Variants in ABAT observed in about 807,000 individuals in gnomAD.
ABAT encodes the protein 4-aminobutyrate aminotransferase, mitochondrial.
ABAT carries 45 observed loss-of-function variants against 64.6 expected under a neutral mutation model. The observed-to-expected ratio is 0.70, with a 90% CI of 0.55 to 0.89. The LOEUF is 0.89. Ranked by LOEUF, ABAT falls within the 40% of genes least tolerant of loss-of-function variation. The pLI is 0.00. For missense variants in ABAT, 633 were observed against 658.4 expected (o/e 0.96, Z 0.42); for synonymous variants, 297 against 250.5 (o/e 1.19, Z -1.75).
At chr16:8,718,412 G>C (rs187146191) in intron 1 of ABAT, among the ~76,000 whole-genome samples, 1 of 152,282 alleles carries the variant, frequency 6.6e-6, no homozygotes, top group African/African-American at 2.4e-5. Context: ...TAGGGGAATG[G>C]CAATGAAAAA....
At position 8,772,892 on chromosome 16, in the gene ABAT, GGAAGCTGA is replaced by G; in HGVS notation, c.932_939del (p.Lys311ArgfsTer29). ...AACCACGCATCCGATGACTTCTTTCGGAAGCTGAGAGACATCGCCAGGAAGGTCAGTGG... is the reference window on the plus strand; with the variant it reads ...AACCACGCATCCGATGACTTCTTTCGGAGACATCGCCAGGAAGGTCAGTGG... On this transcript the variant is annotated frameshift_variant, in exon 12 of 16. Transcript: ENST00000268251. LOFTEE classifies it high-confidence loss of function. The G allele has an allele frequency of 6.2e-7, 1 of 1,613,954 alleles. No homozygotes were observed. Among genetic ancestry groups the G allele is most frequent in the Non-Finnish European group, 8.5e-7 (1 of 1,180,000 alleles).
chr16:8,765,645 A>T (rs2059922286), intron 8 of ABAT: 1 of 153,360 alleles, frequency 6.5e-6, no homozygotes, highest in Non-Finnish European at 1.4e-5. Context: ...AACCTGAGAG[A>T]CACAGCAAGA....
intron 1 of ABAT, among the ~76,000 whole-genome samples, chr16:8,696,489 G>A (rs112492762): frequency 0.016 from 2,369 of 152,256 alleles, 91 homozygotes; most frequent in Admixed American, 0.083. Flanking sequence ...CGTGGGTGGT[G>A]CACGCCTGTA....
At chr16:8,733,205 G>T (rs1404269767) in intron 1 of ABAT, among the ~76,000 whole-genome samples, 1 of 151,378 alleles carries the variant, frequency 6.6e-6, no homozygotes, top group Non-Finnish European at 1.5e-5. Flanking sequence ...GCGGCTGCCG[G>T]GTGGAGGGGC....
intron 1 of ABAT, among the ~76,000 whole-genome samples, chr16:8,697,031 G>C (rs1010758052): frequency 2.0e-5 from 3 of 152,202 alleles, no homozygotes; most frequent in Non-Finnish European, 4.4e-5. Context: ...TGCTGGCGGA[G>C]AGGGACCGAT....
At chr16:8,762,378 G>A (rs2059823346) in intron 6 of ABAT, among the ~76,000 whole-genome samples, 1 of 152,154 alleles carries the variant, frequency 6.6e-6, no homozygotes, top group African/African-American at 2.4e-5. Context: ...TCCTCTGTAT[G>A]CCATATCATC....
At chr16:8,720,489 T>C (rs2058337047) in intron 1 of ABAT, among the ~76,000 whole-genome samples, 1 of 152,226 alleles carries the variant, frequency 6.6e-6, no homozygotes, top group Admixed American at 6.5e-5. Flanking sequence ...AAGTCATGCC[T>C]GCAGGGAGAG....
At chr16:8,765,314 T>G (rs542070654) in intron 8 of ABAT, among the ~76,000 whole-genome samples, 1 of 144,008 alleles carries the variant, frequency 6.9e-6, no homozygotes, top group African/African-American at 2.6e-5. Flanking sequence ...TCAGCCTGGG[T>G]GACAGAGTAA....
intron 10 of ABAT, 120 bp downstream of exon 10, chr16:8,768,376 A>C (rs200255576): frequency 1.5e-4 from 3 of 19,722 alleles, no homozygotes; most frequent in South Asian, 7.1e-4. Context: ...ACACAATCCC[A>C]CTGCAGAGTG....
Position 8,764,282 on chromosome 16 carries a change from A to C in ABAT, c.447+133A>C. ...TCTCTCTGAGCTTATTCTTCCATGC[A>C]GAGTATTTTAAATTTTTCTTTTAAA... On this transcript the variant is annotated intron_variant, in intron 7 of 15. Coordinates refer to ENST00000268251, the MANE Select transcript of ABAT (RefSeq NM_020686.6). The surrounding 1 kb of genome is among the most constrained non-coding windows in gnomAD (Gnocchi z 4.2). 2.4e-6 allele frequency: 2 copies of C among 818,116 alleles called. No homozygotes were observed. Among genetic ancestry groups the C allele is most frequent in the Non-Finnish European group, 4.0e-6 (2 of 496,658 alleles). The allele number at this position is 818,116 out of a possible 1,614,324, so 50.7% of individuals were successfully genotyped here.
chr16:8,741,952 T>C (rs2059172211), intron 2 of ABAT, among the ~76,000 whole-genome samples: 3 of 152,260 alleles, frequency 2.0e-5, no homozygotes, highest in African/African-American at 7.2e-5. Flanking sequence ...TTTGCCTAAA[T>C]AGGGCCAGCC....
At chr16:8,698,233 C>T (rs930109972) in intron 1 of ABAT, among the ~76,000 whole-genome samples, 1 of 152,124 alleles carries the variant, frequency 6.6e-6, no homozygotes, top group Non-Finnish European at 1.5e-5. Flanking sequence ...AGTACATGGC[C>T]CTCCTTCAGC....
chr16:8,680,692 T>C (rs1433199664), intron 1 of ABAT, among the ~76,000 whole-genome samples: 1 of 152,342 alleles, frequency 6.6e-6, no homozygotes, highest in East Asian at 1.9e-4. Context: ...CTTCCCAAAG[T>C]GCTGGGATTA....
chr16:8,726,561 A>G (rs565806636), intron 1 of ABAT, among the ~76,000 whole-genome samples: 1 of 152,304 alleles, frequency 6.6e-6, no homozygotes, highest in Admixed American at 6.5e-5. Context: ...CATTGCGTGT[A>G]TGAACCACAT....
At chr16:8,756,842 C>T (rs916577522) in intron 5 of ABAT, among the ~76,000 whole-genome samples, 2 of 152,214 alleles carry the variant, frequency 1.3e-5, no homozygotes, top group African/African-American at 4.8e-5. Context: ...TTTATACACA[C>T]TGGTAGGATA....
intron 1 of ABAT, among the ~76,000 whole-genome samples, chr16:8,718,232 C>G (rs2058267897): frequency 6.6e-6 from 1 of 152,136 alleles, no homozygotes; most frequent in African/African-American, 2.4e-5. Context: ...CGCTTAATCC[C>G]TGCATTCTTA....
intron 1 of ABAT, among the ~76,000 whole-genome samples, chr16:8,717,897 C>T (rs1352858105): frequency 2.3e-4 from 35 of 151,978 alleles, no homozygotes; most frequent in Admixed American, 2.3e-3. Context: ...TCAAGCGATC[C>T]TCTCACCTTG....
At chr16:8,697,464 G>T (rs540411096) in intron 1 of ABAT, among the ~76,000 whole-genome samples, 2 of 152,238 alleles carry the variant, frequency 1.3e-5, no homozygotes, top group East Asian at 3.9e-4. Flanking sequence ...AAGTGGCTTG[G>T]ATTCAGGTGG....
intron 15 of ABAT, among the ~76,000 whole-genome samples, chr16:8,780,055 C>T (rs949370595): frequency 3.3e-5 from 5 of 152,072 alleles, no homozygotes; most frequent in Non-Finnish European, 7.4e-5. Context: ...TAAGTCTTGA[C>T]AAACAGGGAT....
Sources: gnomAD v4.1 joint callset for allele counts (sites outside exome capture counted in the v4.1 genomes callset) on GRCh38, gnomAD v4.1.1 for gene constraint, Gnocchi (gnomAD v3.1) non-coding constraint, MANE v1.5 for transcripts, NCBI Gene and HGNC (gene_info 2026-07-23, HGNC 2026-07-21) for gene names.